FAM153A: variants seen among roughly 807,000 people sequenced by gnomAD.
FAM153A encodes the protein protein FAM153A.
A neutral mutation model predicts 48.1 loss-of-function variants in FAM153A; 12 were observed. That is an observed-to-expected ratio of 0.25 (90% CI 0.16 to 0.40). The LOEUF (loss-of-function observed/expected upper bound fraction) is 0.40. FAM153A is among the 10% of genes least tolerant of loss of function. The probability of loss-of-function intolerance (pLI) is 1.00; values close to 1 mark genes in which losing one functional copy is unlikely to be tolerated. For synonymous variants in FAM153A, 36 were observed against 118.2 expected, an observed-to-expected ratio of 0.30 and a Z score of 4.51; for missense variants, 111 against 345.8, an observed-to-expected ratio of 0.32 and a Z score of 5.38.
rs2133723 is a variant in FAM153A at position 177,737,877 on chromosome 5, T to C, written c.563-765A>G. ...TCTTCAATGAGGAGATTAATTCTAT[T>C]AAAATATTCTATGTATTCACTAACC... is the stretch of plus-strand genomic sequence containing the variant. On this transcript the variant is annotated intron_variant, in intron 10 of 20. Coordinates refer to ENST00000614127, the Ensembl canonical transcript of FAM153A. 7.5e-3 allele frequency among the ~76,000 whole-genome samples: 1,126 copies of C among 150,394 alleles called. 28 individuals carry two copies. The highest frequency in any genetic ancestry group is 0.028 in the African/African-American group (1,096 of 39,734).
At chr5:177,749,274 A>G (rs1253268425) in intron 2 of FAM153A, among the ~76,000 whole-genome samples, 7 of 151,436 alleles carry the variant, frequency 4.6e-5, no homozygotes, top group Non-Finnish European at 1.0e-4. Context: ...AGAAAAAAGT[A>G]TAGTGTAATG....
the FAM153A span, among the ~76,000 whole-genome samples, chr5:177,698,425 TG>T: frequency 6.6e-6 from 1 of 151,890 alleles, no homozygotes; most frequent in South Asian, 2.1e-4. Flanking sequence ...CCATTCCTTT[TG>T]GGTGGCTTCA....
chr5:177,706,373 G>C (rs964709114), downstream of FAM153A, among the ~76,000 whole-genome samples: 2 of 150,888 alleles, frequency 1.3e-5, no homozygotes, highest in African/African-American at 4.9e-5. Context: ...CTTTTTTTTT[G>C]TATTTTTAGT....
At chr5:177,758,853 G>C (rs1209348116) in intron 1 of FAM153A, among the ~76,000 whole-genome samples, 1 of 131,722 alleles carries the variant, frequency 7.6e-6, no homozygotes, top group Non-Finnish European at 1.7e-5. Context: ...TTAAATGTTA[G>C]ACTTAAACCA....
intron 14 of FAM153A, among the ~76,000 whole-genome samples, chr5:177,733,927 GTTAA>G (rs1440628488): frequency 1.7e-5 from 2 of 119,404 alleles, no homozygotes; most frequent in Non-Finnish European, 3.6e-5. Context: ...TTTCTTTTAG[GTTAA>G]TTAAAGTGTC....
chr5:177,772,343 G>A lies in FAM153A; in HGVS notation c.-57+8106C>T, dbSNP rs200359118. 3.7e-3 allele frequency among the ~76,000 whole-genome samples: 282 copies of A among 76,710 alleles called. 70 individuals carry two copies. In the East Asian group the frequency reaches 0.089, roughly 24 times the overall value. 50.3% of individuals were successfully genotyped at this position (76,710 alleles called of 152,430 possible). The stretch of plus-strand genomic sequence containing the variant: ...GGGTGATTTCTGCATTTCCATCTGA[G>A]GTACCGGGTTCATCTCACTAGGGAG... On this transcript the variant is annotated intron_variant, in intron 1 of 8. Transcript: ENST00000393518.
chr5:177,734,666 C>T (rs1161898658), intron 13 of FAM153A, among the ~76,000 whole-genome samples, 197 bp downstream of exon 15: 7 of 146,340 alleles, frequency 4.8e-5, no homozygotes, highest in Admixed American at 1.3e-4. Context: ...TGTTACACAA[C>T]AGGTGACTGA....
downstream of FAM153A, among the ~76,000 whole-genome samples, chr5:177,704,970 C>T (rs1582090305): frequency 6.6e-6 from 1 of 150,562 alleles, no homozygotes. Context: ...CACCGCACTC[C>T]AGCCTGGGTG....
chr5:177,781,884 A>G (rs1769707978), upstream of FAM153A, among the ~76,000 whole-genome samples: 1 of 77,922 alleles, frequency 1.3e-5, no homozygotes, highest in Non-Finnish European at 2.6e-5. Flanking sequence ...ACGCCCGGCT[A>G]ATTTTTTTTT....
At chr5:177,768,709 G>T (rs1209141182) in intron 1 of FAM153A, among the ~76,000 whole-genome samples, 1 of 106,984 alleles carries the variant, frequency 9.3e-6, no homozygotes, top group African/African-American at 3.8e-5. Flanking sequence ...GTGCCATTCC[G>T]AGAAGCACAG....
At chr5:177,695,016 C>T in the FAM153A span, among the ~76,000 whole-genome samples, 5 of 150,074 alleles carry the variant, frequency 3.3e-5, no homozygotes, top group East Asian at 1.9e-4. Context: ...CTCCACCTCC[C>T]GGGTTCAAGC....
At chr5:177,708,858 G>A (rs1177038002), downstream of FAM153A, among the ~76,000 whole-genome samples, 1 of 151,638 alleles carries the variant, frequency 6.6e-6, no homozygotes, top group Non-Finnish European at 1.5e-5. Flanking sequence ...ACTTTGGGAA[G>A]CCCAGGCAGG....
At chr5:177,695,926 G>T in the FAM153A span, among the ~76,000 whole-genome samples, 44 of 133,798 alleles carry the variant, frequency 3.3e-4, 1 homozygote, top group African/African-American at 1.3e-3. Context: ...TGGCCGGGCA[G>T]GGGCACTCCC....
chr5:177,701,930 C>T, the FAM153A span, among the ~76,000 whole-genome samples: 3 of 147,836 alleles, frequency 2.0e-5, no homozygotes, highest in Admixed American at 2.0e-4. Context: ...TTTTTTGAGA[C>T]AGAGTCTTGC....
chr5:177,702,232 G>A, the FAM153A span, among the ~76,000 whole-genome samples: 1 of 151,760 alleles, frequency 6.6e-6, no homozygotes. Flanking sequence ...TTATACCTTA[G>A]CAAAGAACCT....
intron 6 of FAM153A, among the ~76,000 whole-genome samples, 184 bp from the exon 9 acceptor site, chr5:177,741,516 C>G (rs1407336142): frequency 9.5e-6 from 1 of 105,250 alleles, no homozygotes; most frequent in Non-Finnish European, 2.1e-5. Flanking sequence ...CAGGAAACCA[C>G]GGAAGACAGA....
intron 1 of FAM153A, 120 bp downstream of exon 4, chr5:177,763,197 G>A (rs1768446184): frequency 2.1e-5 from 2 of 95,904 alleles, no homozygotes; most frequent in African/African-American, 8.0e-5. Flanking sequence ...CTGGGACCAT[G>A]GAAACTGCTG....
chr5:177,709,252 G>A (rs1243080114), downstream of FAM153A, among the ~76,000 whole-genome samples: 2 of 131,744 alleles, frequency 1.5e-5, 1 homozygote, highest in African/African-American at 5.6e-5. Context: ...AAGACAAAAA[G>A]GAATCTTTTT....
upstream of FAM153A, among the ~76,000 whole-genome samples, chr5:177,757,649 C>A (rs1404922831): frequency 6.6e-6 from 1 of 151,360 alleles, no homozygotes; most frequent in African/African-American, 2.4e-5. Context: ...GGGCTTCATC[C>A]CTGGGATGCA....
Sources: gnomAD v4.1 joint callset for allele counts (sites outside exome capture counted in the v4.1 genomes callset) on GRCh38, gnomAD v4.1.1 for gene constraint, MANE v1.5 for transcripts, NCBI Gene and HGNC (gene_info 2026-07-23, HGNC 2026-07-21) for gene names.